DUSP4: variants seen among roughly 807,000 people sequenced by gnomAD.
The protein encoded by DUSP4 is dual specificity protein phosphatase 4.
In DUSP4, 12 loss-of-function variants were observed where a neutral mutation model predicts 27.2. That is an observed-to-expected ratio of 0.44 (90% CI 0.28 to 0.71). The LOEUF (loss-of-function observed/expected upper bound fraction) is 0.71, where lower values mean the gene tolerates loss of function less well. Ranked by LOEUF, DUSP4 falls within the 30% of genes least tolerant of loss-of-function variation. DUSP4 has a pLI of 0.14. For synonymous variants in DUSP4, 257 were observed against 245.2 expected (o/e 1.05, Z -0.45); for missense variants, 448 against 551.3 (o/e 0.81, Z 1.88).
intron 1 of DUSP4, chr8:29,347,670 C>T (rs1205824084): frequency 1.5e-5 from 13 of 851,810 alleles, no homozygotes; most frequent in Non-Finnish European, 1.7e-5. Flanking sequence ...AGATGATTCT[C>T]CCTGCCCGCG....
intron 3 of DUSP4, 22 bp downstream of exon 3, chr8:29,338,260 C>T (rs772020412): frequency 6.2e-6 from 10 of 1,608,094 alleles, no homozygotes; most frequent in East Asian, 2.2e-5. Context: ...AACCCAGGAA[C>T]CCCAGAGCAG....
rs1394743258 is a variant in DUSP4 at position 29,350,391 on chromosome 8, C to G, written c.-113G>C. The G allele has an allele frequency of 5.3e-6, 7 of 1,330,294 alleles. No individual in the cohort carries two copies. In the South Asian group the frequency reaches 1.1e-4, roughly 21 times the overall value. 82.4% of individuals were successfully genotyped at this position (1,330,294 alleles called of 1,614,324 possible). A position where few individuals can be genotyped will look rare whatever the true frequency, so the allele number is the denominator to read the frequency against. ...AAGAAGGGACGCCTGCAGAAGTGGC[C>G]GCAAACTTGGTCCTCAAGGGCTCCC... is the stretch of plus-strand genomic sequence containing the variant. On this transcript the variant is annotated 5_prime_UTR_variant, in exon 1 of 4. Coordinates refer to ENST00000240100, the MANE Select transcript of DUSP4 (RefSeq NM_001394.7).
rs1391114546 is a variant in DUSP4, at chr8:29,335,002, A to G, written c.*2024T>C. ...CTGTCTAGGATGCCAGATGAGAAAG[A>G]GTATCCCAACGTGACGGTGACATTG... On this transcript the variant is annotated 3_prime_UTR_variant, in exon 4 of 4. Coordinates refer to ENST00000240100, the MANE Select transcript of DUSP4 (RefSeq NM_001394.7). 6.6e-6 allele frequency: 1 copy of G among 152,182 alleles called. No homozygotes were observed. The highest frequency in any genetic ancestry group is 1.5e-5 in the Non-Finnish European group (1 of 68,052). 9.4% of individuals were successfully genotyped at this position (152,182 alleles called of 1,614,324 possible).
chr8:29,334,725 A>C lies in DUSP4; in HGVS notation c.*2301T>G, dbSNP rs1241591779. On this transcript the variant is annotated 3_prime_UTR_variant, in exon 4 of 4. Transcript: ENST00000240100. Reference sequence around the variant, plus strand: ...CTTTTTCAGCTGCAGAACCCACTGGACTTCCAGGAATCAAGGAAAAAGTGG... The same window carrying C: ...CTTTTTCAGCTGCAGAACCCACTGGCCTTCCAGGAATCAAGGAAAAAGTGG... 6.6e-6 allele frequency: 1 copy of C among 152,196 alleles called. No homozygotes were observed. The highest frequency in any genetic ancestry group is 1.5e-5 in the Non-Finnish European group (1 of 68,058). 9.4% of individuals were successfully genotyped at this position (152,196 alleles called of 1,614,324 possible). A position where few individuals can be genotyped will look rare whatever the true frequency, so the allele number is the denominator to read the frequency against.
Position 29,350,638 on chromosome 8 carries a change from C to A in DUSP4, c.-360G>T. 1 of 258,828 alleles carries A rather than the reference C, an allele frequency of 3.9e-6. No individual in the cohort carries two copies. Among genetic ancestry groups the A allele is most frequent in the Non-Finnish European group, 7.3e-6 (1 of 137,732 alleles). 16.0% of individuals were successfully genotyped at this position (258,828 alleles called of 1,614,324 possible). A position where few individuals can be genotyped will look rare whatever the true frequency, so the allele number is the denominator to read the frequency against. ...GCTCCTGTCGCCACTGGCGCCAGCG[C>A]TGCCCTGCCTACGCTCCTCCGGCGC... On this transcript the variant is annotated 5_prime_UTR_variant, in exon 1 of 4. Coordinates refer to ENST00000240100, the MANE Select transcript of DUSP4 (RefSeq NM_001394.7).
chr8:29,349,635 G>GA (rs1324268407), intron 1 of DUSP4, among the ~76,000 whole-genome samples: 1 of 152,224 alleles, frequency 6.6e-6, no homozygotes, highest in Admixed American at 6.5e-5. Context: ...GGTGACCGGA[G>GA]AAACCCGTCC....
At chr8:29,341,141 G>A (rs1817650898) in intron 1 of DUSP4, among the ~76,000 whole-genome samples, 1 of 152,192 alleles carries the variant, frequency 6.6e-6, no homozygotes, top group Non-Finnish European at 1.5e-5. Context: ...ATCAATGTAT[G>A]GCCCTGCTTT....
chr8:29,348,564 A>G, intron 1 of DUSP4: 1 of 985,572 alleles, frequency 1.0e-6, no homozygotes, highest in Non-Finnish European at 1.2e-6. Context: ...TCAAATGGGC[A>G]GGAAACAACT....
At chr8:29,342,287 T>A (rs1033145074) in intron 1 of DUSP4, among the ~76,000 whole-genome samples, 1 of 152,224 alleles carries the variant, frequency 6.6e-6, no homozygotes, top group Admixed American at 6.5e-5. Flanking sequence ...CCTGAGCATG[T>A]ATCACCTGTG....
intron 1 of DUSP4, among the ~76,000 whole-genome samples, chr8:29,347,360 G>A (rs1817750956): frequency 6.6e-6 from 1 of 152,170 alleles, no homozygotes; most frequent in African/African-American, 2.4e-5. Context: ...TTCCATTAGA[G>A]GGCAAAGAGG....
intron 1 of DUSP4, 111 bp from the exon 2 acceptor site, chr8:29,340,354 G>A (rs1163664421): frequency 2.1e-5 from 29 of 1,394,112 alleles, no homozygotes; most frequent in South Asian, 4.5e-5. Context: ...AGGGGCTGGC[G>A]TGCTCCATAT....
intron 1 of DUSP4, among the ~76,000 whole-genome samples, chr8:29,340,661 A>G (rs182525003): frequency 2.6e-4 from 39 of 152,240 alleles, no homozygotes; most frequent in African/African-American, 8.9e-4. Context: ...TCCTCAGGGG[A>G]GGTTCTCCAA....
chr8:29,338,277 C>A lies in DUSP4; in HGVS notation c.799+5G>T. On this transcript the variant is annotated splice_donor_5th_base_variant and intron_variant, in intron 3 of 3. Coordinates refer to ENST00000240100, the MANE Select transcript of DUSP4 (RefSeq NM_001394.7). The stretch of plus-strand genomic sequence containing the variant: ...CCCAGGAACCCCAGAGCAGGGCCAG[C>A]CTACCGATGTACTCTATGGCTTCCA... The A allele has an allele frequency of 6.2e-7, 1 of 1,614,124 alleles. No homozygotes were observed. The highest frequency in any genetic ancestry group is 1.1e-5 in the South Asian group (1 of 91,076).
Position 29,337,016 on chromosome 8 carries a change from C to G in DUSP4, c.*10G>C, listed in dbSNP as rs1483711270. 1 of 1,581,284 alleles carries G rather than the reference C, an allele frequency of 6.3e-7. No homozygotes were observed. The highest frequency in any genetic ancestry group is 2.3e-5 in the East Asian group (1 of 44,014). ...GAGCCAGCTCTGGTTCTGGGGCCCC[C>G]AGGGCGGCTCTAACAGCTGGGAGAG... On this transcript the variant is annotated 3_prime_UTR_variant, in exon 4 of 4. Transcript: ENST00000240100. This position sits in a 1 kb window ranked among gnomAD's most constrained non-coding sequence, Gnocchi z 6.4.
intron 1 of DUSP4, chr8:29,345,467 C>A: frequency 6.2e-7 from 1 of 1,613,318 alleles, no homozygotes; most frequent in Non-Finnish European, 8.5e-7. Flanking sequence ...CTCTCCCAGT[C>A]CTCCTGGGCG....
chr8:29,350,178 T>A lies in DUSP4; in HGVS notation c.101A>T (p.His34Leu), dbSNP rs1043052200. The A allele has an allele frequency of 6.2e-7, 1 of 1,607,240 alleles. No individual in the cohort carries two copies. Among genetic ancestry groups the A allele is most frequent in the African/African-American group, 1.3e-5 (1 of 74,924 alleles). The change falls in exon 1 of 4, where the codon CAC (histidine) becomes CTC (leucine). Residue 34 changes from histidine to leucine, a missense_variant. Transcript: ENST00000240100. ...GCCGCTCGGCAGCCCCAGGGTGCCG[T>A]GGCTGCCGCTGCCGCCCGCGCCGCC... The part of the protein sequence containing the change: ...NGGGAGGSGS[H>L]GTLGLPSGGK...
chr8:29,349,846 C>A lies in DUSP4; in HGVS notation c.433G>T (p.Gly145Cys). 1 of 1,494,330 alleles carries A rather than the reference C, an allele frequency of 6.7e-7. No individual in the cohort carries two copies. The highest frequency in any genetic ancestry group is 1.4e-5 in the South Asian group (1 of 73,792). The allele number at this position is 1,494,330 out of a possible 1,614,324, so 92.6% of individuals were successfully genotyped here. Residue 145 changes from glycine (G) to cysteine (C), a missense_variant and splice_region_variant, in exon 1 of 4, where the codon GGC becomes TGC. Coordinates refer to ENST00000240100, the MANE Select transcript of DUSP4 (RefSeq NM_001394.7). ...AERTDICLLKGGYERFSSEYP... is the reference protein window; with the variant it reads ...AERTDICLLKCGYERFSSEYP... Reference sequence around the variant, plus strand: ...GCTAGCGCCCGGAGCCCTCGTTTACCTTTGAGCAGGCAGATGTCGGTGCGC... The same window carrying A: ...GCTAGCGCCCGGAGCCCTCGTTTACATTTGAGCAGGCAGATGTCGGTGCGC...
At position 29,337,404 on chromosome 8, in the gene DUSP4, C is replaced by T. The variant is rs1274058829; in HGVS notation, c.807G>A (p.Val269=). 2 of 1,603,506 alleles carry T rather than the reference C, an allele frequency of 1.2e-6. No homozygotes were observed. The highest frequency in any genetic ancestry group is 1.1e-5 in the South Asian group (1 of 90,508). The stretch of plus-strand genomic sequence containing the variant: ...CCAGCACGCGCCCACGGCAGTCCTT[C>T]ACGGCATCTGGGGACAGGGTTCAAT... ...FMEAIEYIDA[V]KDCRGRVLVH... The change falls in exon 4 of 4, where the codon GTG becomes GTA. Residue 269 remains valine, a synonymous_variant. Transcript: ENST00000240100. The surrounding 1 kb of genome is among the most constrained non-coding windows in gnomAD (Gnocchi z 6.4).
intron 1 of DUSP4, among the ~76,000 whole-genome samples, chr8:29,341,773 G>C (rs1317138510): frequency 6.6e-6 from 1 of 152,204 alleles, no homozygotes; most frequent in Non-Finnish European, 1.5e-5. Flanking sequence ...TGAGGGAAGA[G>C]GAAGGAAATA....
Sources: allele counts gnomAD v4.1 joint callset (sites outside exome capture counted in the v4.1 genomes callset), GRCh38; gene constraint gnomAD v4.1.1; non-coding constraint Gnocchi (gnomAD v3.1); transcripts MANE v1.5; gene names NCBI Gene and HGNC (gene_info 2026-07-23, HGNC 2026-07-21).